The following OR2G6 variants were observed in gnomAD, a reference collection of about 807,000 sequenced individuals.
OR2G6 encodes the protein olfactory receptor family 2 subfamily G member 6, also known as olfactory receptor 2G6.
For synonymous variants in OR2G6, 183 were observed against 155.2 expected, an observed-to-expected ratio of 1.18 and a Z score of -1.33; for missense variants, 457 against 391.3, an observed-to-expected ratio of 1.17 and a Z score of -1.42.
chr1:248,521,913 C>T lies in OR2G6; in HGVS notation c.267C>T (p.Asp89=), dbSNP rs748946982. 1 of 1,614,176 alleles carries T rather than the reference C, an allele frequency of 6.2e-7. No individual in the cohort carries two copies. Among genetic ancestry groups the T allele is most frequent in the South Asian group, 1.1e-5 (1 of 91,078 alleles). The change falls in exon 2 of 2, where the codon GAC becomes GAT. Residue 89 remains aspartate, a synonymous_variant. Transcript: ENST00000641804. ...PQLLVTMNKK[D]KTMSYGGCVA... ...TGCTGGTTACCATGAATAAGAAAGA[C>T]AAAACCATGAGCTACGGTGGCTGTG...
rs1215712814 is a variant in OR2G6, at chr1:248,525,510, A to T, written c.*2913A>T. ...AAATATTAATGAATTCATGAAAAAC[A>T]AAAACCATATAGGACCACAGCTCAG... On this transcript the variant is annotated 3_prime_UTR_variant, in exon 2 of 2. Coordinates refer to ENST00000641804, the MANE Select transcript of OR2G6 (RefSeq NM_001013355.2). 6.6e-6 allele frequency: 1 copy of T among 152,142 alleles called. No individual in the cohort carries two copies. Among genetic ancestry groups the T allele is most frequent in the African/African-American group, 2.4e-5 (1 of 41,446 alleles). 9.4% of individuals were successfully genotyped at this position (152,142 alleles called of 1,614,324 possible).
rs1381017708 is a variant in OR2G6 at position 248,523,171 on chromosome 1, A to T, written c.*574A>T. 9 of 153,194 alleles carry T rather than the reference A, an allele frequency of 5.9e-5. No homozygotes were observed. The East Asian group carries it at 1.7e-3, about 30-fold the overall frequency. The allele number at this position is 153,194 out of a possible 1,614,324, so 9.5% of individuals were successfully genotyped here. On this transcript the variant is annotated 3_prime_UTR_variant, in exon 2 of 2. Coordinates refer to ENST00000641804, the MANE Select transcript of OR2G6 (RefSeq NM_001013355.2). ...TGTATACATATATCTCTAACTAGGC[A>T]AAGCAATGTATATAACAGACTGAAA...
chr1:248,522,834 A>C lies in OR2G6; in HGVS notation c.*237A>C. The C allele has an allele frequency of 2.1e-6, 1 of 483,746 alleles. No homozygotes were observed. The highest frequency in any genetic ancestry group is 3.8e-5 in the Admixed American group (1 of 26,638). 30.0% of individuals were successfully genotyped at this position (483,746 alleles called of 1,614,324 possible). Reference sequence around the variant, plus strand: ...AATTCTAAAGAAGAGAAACACACCAAAGCAGCATGAGGGTTCATCCTCCCA... The same window carrying C: ...AATTCTAAAGAAGAGAAACACACCACAGCAGCATGAGGGTTCATCCTCCCA... On this transcript the variant is annotated 3_prime_UTR_variant, in exon 2 of 2. Transcript: ENST00000641804.
rs1199822107 is a variant in OR2G6 at position 248,523,164 on chromosome 1, A to G, written c.*567A>G. 48 of 153,092 alleles carry G rather than the reference A, an allele frequency of 3.1e-4. No homozygotes were observed. Among genetic ancestry groups the G allele is most frequent in the African/African-American group, 1.1e-3 (46 of 41,574 alleles). 9.5% of individuals were successfully genotyped at this position (153,092 alleles called of 1,614,324 possible). A position where few individuals can be genotyped will look rare whatever the true frequency, so the allele number is the denominator to read the frequency against. On this transcript the variant is annotated 3_prime_UTR_variant, in exon 2 of 2. Transcript: ENST00000641804. ...AGATATATGTATACATATATCTCTA[A>G]CTAGGCAAAGCAATGTATATAACAG...
rs1178724616 is a variant in OR2G6, at chr1:248,521,663, A to G, written c.17A>G (p.Asn6Ser). Reference sequence around the variant, plus strand: ...GCAGGAAAAATGGAGGAAACCAACAACAGCTCTGAAAAGGGATTTCTTCTC... The same window carrying G: ...GCAGGAAAAATGGAGGAAACCAACAGCAGCTCTGAAAAGGGATTTCTTCTC... MEETN[N>S]SSEKGFLLLG... The change falls in exon 2 of 2, where the codon AAC becomes AGC. Residue 6 changes from asparagine (N) to serine (S), a missense_variant. By Grantham distance (46) the Asn-to-Ser change is conservative. Transcript: ENST00000641804. 4 of 1,613,226 alleles carry G rather than the reference A, an allele frequency of 2.5e-6. No individual in the cohort carries two copies. The highest frequency in any genetic ancestry group is 1.7e-4 in the Middle Eastern group (1 of 6,054).
At position 248,522,007 on chromosome 1, in the gene OR2G6, G is replaced by A; in HGVS notation, c.361G>A (p.Asp121Asn). ...ECILLAVMAY[D>N]RYAAVCRPLR... Reference sequence around the variant, plus strand: ...TATTCTCTTGGCCGTCATGGCTTATGACCGCTATGCTGCTGTCTGCCGGCC... The same window carrying A: ...TATTCTCTTGGCCGTCATGGCTTATAACCGCTATGCTGCTGTCTGCCGGCC... The change falls in exon 2 of 2, where the codon GAC becomes AAC. Residue 121 changes from aspartate to asparagine, a missense_variant. Coordinates refer to ENST00000641804, the MANE Select transcript of OR2G6 (RefSeq NM_001013355.2). 6.2e-7 allele frequency: 1 copy of A among 1,614,134 alleles called. No individual in the cohort carries two copies. Among genetic ancestry groups the A allele is most frequent in the East Asian group, 2.2e-5 (1 of 44,880 alleles).
At chr1:248,521,099 T>G (rs1218448804) in intron 1 of OR2G6, among the ~76,000 whole-genome samples, 1 of 148,316 alleles carries the variant, frequency 6.7e-6, no homozygotes, top group Admixed American at 6.8e-5. Flanking sequence ...GGCACACGCC[T>G]GTAGTCTCAG....
chr1:248,520,319 C>T (rs1030116680), intron 1 of OR2G6, among the ~76,000 whole-genome samples: 2 of 152,084 alleles, frequency 1.3e-5, no homozygotes, highest in Admixed American at 1.3e-4. Flanking sequence ...GGAGAAATAC[C>T]TAACATAGAT....
At chr1:248,521,029 G>A (rs191010896) in intron 1 of OR2G6, among the ~76,000 whole-genome samples, 43 of 117,920 alleles carry the variant, frequency 3.6e-4, no homozygotes, top group African/African-American at 1.3e-3. Flanking sequence ...GAGACAGAGT[G>A]AGATTCCATC....
intron 1 of OR2G6, among the ~76,000 whole-genome samples, chr1:248,520,992 A>G (rs1664272368): frequency 6.9e-6 from 1 of 144,814 alleles, no homozygotes; most frequent in Non-Finnish European, 1.5e-5. Context: ...CAGTGAGCAG[A>G]GATTGTGCCA....
rs1558372846 is a variant in OR2G6 at position 248,522,658 on chromosome 1, C to G, written c.*61C>G. ...AAGGCAGAGTGAGGGTTCATCCTCC[C>G]CAGACATTCCTCTTGTCAATCCCAA... On this transcript the variant is annotated 3_prime_UTR_variant, in exon 2 of 2. Coordinates refer to ENST00000641804, the MANE Select transcript of OR2G6 (RefSeq NM_001013355.2). The G allele has an allele frequency of 9.1e-7, 1 of 1,100,062 alleles. No individual in the cohort carries two copies. Among genetic ancestry groups the G allele is most frequent in the Non-Finnish European group, 1.3e-6 (1 of 772,226 alleles). 68.1% of individuals were successfully genotyped at this position (1,100,062 alleles called of 1,614,324 possible). A position where few individuals can be genotyped will look rare whatever the true frequency, so the allele number is the denominator to read the frequency against.
Position 248,524,476 on chromosome 1 carries a change from G to C in OR2G6, c.*1879G>C, listed in dbSNP as rs528056767. The stretch of plus-strand genomic sequence containing the variant: ...GTAGAGAAGTAGTTCTACAGGAAGC[G>C]TCACATGTACAAATGCATTATTCCT... On this transcript the variant is annotated 3_prime_UTR_variant, in exon 2 of 2. Transcript: ENST00000641804. The C allele has an allele frequency of 6.6e-6, 1 of 152,178 alleles. No homozygotes were observed. The highest frequency in any genetic ancestry group is 1.5e-5 in the Non-Finnish European group (1 of 68,040). The allele number at this position is 152,178 out of a possible 1,614,324, so 9.4% of individuals were successfully genotyped here.
rs1664387572 is a variant in OR2G6, at chr1:248,526,023, A to AC, written c.*3426_*3427insC. 6.6e-6 allele frequency: 1 copy of AC among 151,898 alleles called. No individual in the cohort carries two copies. The highest frequency in any genetic ancestry group is 6.6e-5 in the Admixed American group (1 of 15,228). The allele number at this position is 151,898 out of a possible 1,614,324, so 9.4% of individuals were successfully genotyped here. ...ACAGAGCAAGACTCCATCTCAAAAA[A>AC]AAAAGAAAAAAATGTATATGTTATC... On this transcript the variant is annotated 3_prime_UTR_variant, in exon 2 of 2. Coordinates refer to ENST00000641804, the MANE Select transcript of OR2G6 (RefSeq NM_001013355.2).
rs1212964057 is a variant in OR2G6 at position 248,522,044 on chromosome 1, T to G, written c.398T>G (p.Ile133Arg). 8 of 1,614,176 alleles carry G rather than the reference T, an allele frequency of 5.0e-6. No homozygotes were observed. The East Asian group carries it at 1.8e-4, about 36-fold the overall frequency. ...GCTGTCTGCCGGCCACTGCGCTACA[T>G]AGCCATTATGCACCCCAGGTTCTGT... The part of the protein sequence containing the change: ...YAAVCRPLRY[I>R]AIMHPRFCAS... The change falls in exon 2 of 2, where the codon ATA becomes AGA. Residue 133 changes from isoleucine to arginine, a missense_variant. Coordinates refer to ENST00000641804, the MANE Select transcript of OR2G6 (RefSeq NM_001013355.2).
At position 248,522,736 on chromosome 1, in the gene OR2G6, G is replaced by T; in HGVS notation, c.*139G>T. 1.6e-6 allele frequency: 1 copy of T among 623,842 alleles called. No individual in the cohort carries two copies. The highest frequency in any genetic ancestry group is 2.8e-6 in the Non-Finnish European group (1 of 361,580). 38.6% of individuals were successfully genotyped at this position (623,842 alleles called of 1,614,324 possible). ...TTCTAAAGAAGGGAAACACCTCAAG[G>T]CAGCGTGAGGATTCATCCTCCCCAG... On this transcript the variant is annotated 3_prime_UTR_variant, in exon 2 of 2. Coordinates refer to ENST00000641804, the MANE Select transcript of OR2G6 (RefSeq NM_001013355.2).
rs747757648 is a variant in OR2G6 at position 248,521,744 on chromosome 1, A to C, written c.98A>C (p.Tyr33Ser). Residue 33 changes from tyrosine (Y) to serine (S), a missense_variant, in exon 2 of 2, where the codon TAC (tyrosine) becomes TCC (serine). By Grantham distance (144) the Tyr-to-Ser change is moderately radical. Coordinates refer to ENST00000641804, the MANE Select transcript of OR2G6 (RefSeq NM_001013355.2). ...LERFLFAIIL[Y>S]FYVLSLLGNT... ...AGGTTTCTTTTTGCCATCATTTTGT[A>C]CTTCTACGTCTTGAGCCTTCTGGGG... 4 of 1,613,944 alleles carry C rather than the reference A, an allele frequency of 2.5e-6. No homozygotes were observed. In the East Asian group the frequency reaches 8.9e-5, roughly 36 times the overall value.
rs768314660 is a variant in OR2G6, at chr1:248,524,380, G to GTAA, written c.*1785_*1787dup. 5 of 152,212 alleles carry GTAA rather than the reference G, an allele frequency of 3.3e-5. No homozygotes were observed. The highest frequency in any genetic ancestry group is 4.8e-5 in the African/African-American group (2 of 41,462). The allele number at this position is 152,212 out of a possible 1,614,324, so 9.4% of individuals were successfully genotyped here. Reference sequence around the variant, plus strand: ...ATTCTTATGTGATTTTCCTCCTCCAGTAATGGAGAGGAGAGTTGGGAACTG... The same window carrying GTAA: ...ATTCTTATGTGATTTTCCTCCTCCAGTAATAATGGAGAGGAGAGTTGGGAACTG... On this transcript the variant is annotated 3_prime_UTR_variant, in exon 2 of 2. Transcript: ENST00000641804.
chr1:248,521,600 T>A lies in OR2G6; in HGVS notation c.-36-11T>A. ...CTCATTACTTTCTATCCCCAAATAT[T>A]AATCACTTAGTATTTGAAGCTGAAG... On this transcript the variant is annotated splice_polypyrimidine_tract_variant and intron_variant, in intron 1 of 1. Transcript: ENST00000641804. The A allele has an allele frequency of 7.5e-7, 1 of 1,339,086 alleles. No homozygotes were observed. Among genetic ancestry groups the A allele is most frequent in the East Asian group, 2.3e-5 (1 of 43,648 alleles). 83.0% of individuals were successfully genotyped at this position (1,339,086 alleles called of 1,614,324 possible).
intron 1 of OR2G6, among the ~76,000 whole-genome samples, chr1:248,520,163 C>A (rs905972021): frequency 3.9e-5 from 6 of 152,082 alleles, no homozygotes; most frequent in Non-Finnish European, 7.4e-5. Context: ...TTTCAGCAAA[C>A]TAACACAAGA....
Sources: gnomAD v4.1 joint callset for allele counts (sites outside exome capture counted in the v4.1 genomes callset) on GRCh38, gnomAD v4.1.1 for gene constraint, MANE v1.5 for transcripts, NCBI Gene and HGNC (gene_info 2026-07-23, HGNC 2026-07-21) for gene names.